Variants in CLASP1 observed in about 807,000 individuals in gnomAD.
CLASP1 encodes the protein CLIP-associating protein 1.
Under a neutral mutation model 192.3 loss-of-function variants are expected in CLASP1, and 38 were observed. The ratio of observed to expected loss-of-function variants is 0.20; its 90% CI spans 0.15 to 0.26. The LOEUF (loss-of-function observed/expected upper bound fraction) is 0.26. Ranked by LOEUF, CLASP1 falls within the 10% of genes least tolerant of loss-of-function variation. The pLI is 1.00. For synonymous variants in CLASP1, 691 were observed against 712.8 expected, an observed-to-expected ratio of 0.97 and a Z score of 0.49; for missense variants, 1,433 against 1,932.5, an observed-to-expected ratio of 0.74 and a Z score of 4.85.
chr2:121,580,603 T>G (rs1436472574), intron 2 of CLASP1, among the ~76,000 whole-genome samples: 1 of 152,224 alleles, frequency 6.6e-6, no homozygotes. Context: ...CACTGAAAAC[T>G]CTTTATAAAC....
At chr2:121,575,473 A>T (rs2060422304) in intron 2 of CLASP1, among the ~76,000 whole-genome samples, 1 of 152,220 alleles carries the variant, frequency 6.6e-6, no homozygotes, top group South Asian at 2.1e-4. Flanking sequence ...GCTTATAAGT[A>T]AAAGCATGAA....
At chr2:121,533,670 G>C (rs903416725) in intron 2 of CLASP1, among the ~76,000 whole-genome samples, 1 of 152,152 alleles carries the variant, frequency 6.6e-6, no homozygotes, top group Non-Finnish European at 1.5e-5. Context: ...CTTTAAATTT[G>C]TTGTAATTTT....
At chr2:121,437,622 G>C (rs2082527599) in intron 19 of CLASP1, among the ~76,000 whole-genome samples, 1 of 152,132 alleles carries the variant, frequency 6.6e-6, no homozygotes, top group African/African-American at 2.4e-5. Flanking sequence ...CATTCTCGAG[G>C]GAGATTACTT....
chr2:121,585,229 A>T lies in CLASP1; in HGVS notation c.195+20472T>A, dbSNP rs1442453261. 2.6e-5 allele frequency among the ~76,000 whole-genome samples: 4 copies of T among 152,348 alleles called. No homozygotes were observed. The East Asian group carries it at 7.7e-4, about 29-fold the overall frequency. ...TAAATTGCCTATTTTACATAGCTGG[A>T]GTCACCTTCAAATAAAAGAAGAGAA... is the stretch of plus-strand genomic sequence containing the variant. On this transcript the variant is annotated intron_variant, in intron 2 of 39. Transcript: ENST00000263710.
intron 9 of CLASP1, among the ~76,000 whole-genome samples, chr2:121,467,130 G>T (rs983407142): frequency 6.6e-6 from 1 of 152,146 alleles, no homozygotes; most frequent in Admixed American, 6.5e-5. Flanking sequence ...CTCCATCCAT[G>T]TCCCTGCAAA....
chr2:121,404,907 T>C (rs2076691783), intron 25 of CLASP1, among the ~76,000 whole-genome samples: 1 of 152,174 alleles, frequency 6.6e-6, no homozygotes, highest in Admixed American at 6.5e-5. Context: ...AAAAAGCATG[T>C]CTATCCTGCA....
chr2:121,534,557 A>G (rs2094990950), intron 2 of CLASP1, among the ~76,000 whole-genome samples: 1 of 152,048 alleles, frequency 6.6e-6, no homozygotes. Context: ...TGTTTTTTTG[A>G]GACAGAGTCT....
intron 6 of CLASP1, 49 bp from the exon 7 acceptor site, chr2:121,515,811 C>T (rs745932543): frequency 2.0e-6 from 3 of 1,533,584 alleles, no homozygotes; most frequent in African/African-American, 1.4e-5. Context: ...CATCCCCCAG[C>T]AAGTCCTGCT....
intron 30 of CLASP1, among the ~76,000 whole-genome samples, chr2:121,388,566 C>T (rs770663414): frequency 1.3e-5 from 2 of 152,080 alleles, no homozygotes; most frequent in African/African-American, 2.4e-5. Context: ...ATTGTGGTAG[C>T]GAGGTAGGCA....
chr2:121,614,307 T>C (rs1192139360), intron 1 of CLASP1, among the ~76,000 whole-genome samples: 1 of 152,068 alleles, frequency 6.6e-6, no homozygotes, highest in African/African-American at 2.4e-5. Context: ...ACTAGCCTGG[T>C]CCACATGGTG....
intron 30 of CLASP1, among the ~76,000 whole-genome samples, chr2:121,390,542 T>C (rs979245161): frequency 2.6e-5 from 4 of 152,216 alleles, no homozygotes; most frequent in South Asian, 2.1e-4. Flanking sequence ...CTGCTACCAT[T>C]TGAAGACAAC....
At chr2:121,505,344 A>C (rs2093910505) in intron 7 of CLASP1, 1 of 152,228 alleles carries the variant, frequency 6.6e-6, no homozygotes, top group South Asian at 2.1e-4. Context: ...AAGCCTGAAC[A>C]ACTAGGTATG....
chr2:121,404,992 T>A (rs1574402472), intron 25 of CLASP1, among the ~76,000 whole-genome samples: 1 of 152,140 alleles, frequency 6.6e-6, no homozygotes, highest in East Asian at 1.9e-4. Flanking sequence ...AGATCTGGAT[T>A]TTAATCTCAG....
chr2:121,623,792 G>A (rs1360997390), intron 1 of CLASP1, among the ~76,000 whole-genome samples: 2 of 152,098 alleles, frequency 1.3e-5, no homozygotes, highest in African/African-American at 2.4e-5. Flanking sequence ...ACGCTGCAGT[G>A]AGCCAACATC....
chr2:121,404,550 T>C (rs1302722210), intron 25 of CLASP1, 116 bp from the exon 27 acceptor site: 4 of 920,022 alleles, frequency 4.3e-6, no homozygotes, highest in East Asian at 5.4e-5. Flanking sequence ...CACTACAGCC[T>C]TGATCTCCCA....
At chr2:121,553,716 A>G (rs564713532) in intron 2 of CLASP1, among the ~76,000 whole-genome samples, 2 of 152,176 alleles carry the variant, frequency 1.3e-5, no homozygotes, top group East Asian at 1.9e-4. Context: ...AAATAAATAA[A>G]TAAGTAAAAA....
chr2:121,495,185 T>C (rs1332463153), intron 8 of CLASP1, among the ~76,000 whole-genome samples: 1 of 151,726 alleles, frequency 6.6e-6, no homozygotes, highest in Non-Finnish European at 1.5e-5. Flanking sequence ...TAGCTGGGCG[T>C]GGTGGCAGGT....
chr2:121,340,977 A>G (rs377382979), intron 39 of CLASP1, 30 bp from the exon 41 acceptor site: 742 of 1,448,814 alleles, frequency 5.1e-4, no homozygotes, highest in Non-Finnish European at 6.5e-4. Flanking sequence ...CTGAATTAGC[A>G]GGAAGAAAAG....
At chr2:121,493,124 T>C (rs1408301886) in intron 8 of CLASP1, among the ~76,000 whole-genome samples, 1 of 152,150 alleles carries the variant, frequency 6.6e-6, no homozygotes, top group African/African-American at 2.4e-5. Flanking sequence ...TGACATTCTT[T>C]ACAGAAATAA....
Sources: allele counts gnomAD v4.1 joint callset (sites outside exome capture counted in the v4.1 genomes callset), GRCh38; gene constraint gnomAD v4.1.1; transcripts MANE v1.5; gene names NCBI Gene and HGNC (gene_info 2026-07-23, HGNC 2026-07-21).